Variants in NRG1 observed in about 807,000 individuals in gnomAD.
NRG1 encodes pro-neuregulin-1, membrane-bound isoform.
A neutral mutation model predicts 63.8 loss-of-function variants in NRG1; 18 were observed. The ratio of observed to expected loss-of-function variants is 0.28; its 90% CI spans 0.19 to 0.42. NRG1 has a LOEUF of 0.42. Among genes scored for constraint, NRG1 ranks in the 10% least tolerant of loss-of-function variants. The pLI, the probability that NRG1 is intolerant of heterozygous loss-of-function variation, is 1.00. For synonymous variants in NRG1, 302 were observed against 301.3 expected (o/e 1.00, Z -0.02); for missense variants, 762 against 814.7 (o/e 0.94, Z 0.79).
chr8:31,734,713 T>A (rs1814476943), intron 1 of NRG1, among the ~76,000 whole-genome samples: 1 of 152,218 alleles, frequency 6.6e-6, no homozygotes, highest in South Asian at 2.1e-4. Flanking sequence ...AAAAATTTAC[T>A]CACTCTCATT....
intron 1 of NRG1, among the ~76,000 whole-genome samples, chr8:32,181,979 T>C (rs1841476166): frequency 6.6e-6 from 1 of 152,240 alleles, no homozygotes; most frequent in Non-Finnish European, 1.5e-5. Flanking sequence ...AGTCTAAATG[T>C]ATTAAACTTA....
At chr8:32,181,862 A>C (rs1841462903) in intron 1 of NRG1, among the ~76,000 whole-genome samples, 1 of 152,234 alleles carries the variant, frequency 6.6e-6, no homozygotes, top group African/African-American at 2.4e-5. Flanking sequence ...GCAATGGAAT[A>C]TTAGTTGTTT....
At chr8:32,744,052 AAT>A (rs776335489) in intron 7 of NRG1, among the ~76,000 whole-genome samples, 25 of 152,068 alleles carry the variant, frequency 1.6e-4, no homozygotes, top group Non-Finnish European at 3.1e-4. Flanking sequence ...CACCCCGAAA[AAT>A]ATGTCACATA....
intron 1 of NRG1, among the ~76,000 whole-genome samples, chr8:32,310,102 A>G (rs1012616737): frequency 6.6e-6 from 1 of 152,148 alleles, no homozygotes; most frequent in Non-Finnish European, 1.5e-5. Context: ...ATGAATCACC[A>G]TTTTCATGAA....
intron 6 of NRG1, among the ~76,000 whole-genome samples, chr8:32,732,361 G>C (rs1258041308): frequency 6.6e-6 from 1 of 152,064 alleles, no homozygotes; most frequent in East Asian, 1.9e-4. Context: ...CTCTATTCTT[G>C]TGTATCTGTT....
chr8:32,660,683 C>T (rs891516657), intron 5 of NRG1, among the ~76,000 whole-genome samples: 1 of 152,180 alleles, frequency 6.6e-6, no homozygotes, highest in African/African-American at 2.4e-5. Flanking sequence ...ACAGCATGCA[C>T]ACTATGAACT....
At chr8:32,194,701 C>T (rs1842804792) in intron 1 of NRG1, among the ~76,000 whole-genome samples, 3 of 151,904 alleles carry the variant, frequency 2.0e-5, no homozygotes, top group Admixed American at 2.0e-4. Flanking sequence ...GTGTTTGCTC[C>T]AAAACTTGTA....
chr8:32,245,268 A>T (rs749429648), intron 1 of NRG1, among the ~76,000 whole-genome samples: 5 of 152,164 alleles, frequency 3.3e-5, no homozygotes, highest in Non-Finnish European at 5.9e-5. Context: ...GGGCAATCAG[A>T]TGTTATTTTT....
At chr8:32,018,834 T>C (rs1317397442) in intron 1 of NRG1, among the ~76,000 whole-genome samples, 1 of 152,236 alleles carries the variant, frequency 6.6e-6, no homozygotes, top group African/African-American at 2.4e-5. Context: ...TGCAAAATAG[T>C]TGAACTGGTT....
At chr8:32,379,100 A>G (rs1282468474) in intron 1 of NRG1, among the ~76,000 whole-genome samples, 2 of 151,966 alleles carry the variant, frequency 1.3e-5, no homozygotes, top group African/African-American at 2.4e-5. Context: ...AAAACTTAGC[A>G]TATATCTATT....
chr8:32,072,144 G>A (rs1047691835), intron 1 of NRG1, among the ~76,000 whole-genome samples: 5 of 151,548 alleles, frequency 3.3e-5, no homozygotes, highest in African/African-American at 7.3e-5. Flanking sequence ...ACTTAAGCAA[G>A]GTATCTTTAT....
rs571884755 is a variant in NRG1, at chr8:32,420,914, CA to C, written c.38-174913del. The stretch of plus-strand genomic sequence containing the variant: ...GTTCCTATGATAGTGAGTGAGTTCT[CA>C]GGAGATCTGATGGTTTTATAAGGGG... On this transcript the variant is annotated intron_variant, in intron 1 of 10. Coordinates refer to the NRG1 transcript ENST00000519301. 7.9e-5 allele frequency among the ~76,000 whole-genome samples: 12 copies of C among 152,236 alleles called. No homozygotes were observed. The East Asian group carries it at 1.9e-3, about 25-fold the overall frequency.
chr8:31,878,581 A>T (rs1830105002), intron 1 of NRG1, among the ~76,000 whole-genome samples: 1 of 152,190 alleles, frequency 6.6e-6, no homozygotes, highest in Non-Finnish European at 1.5e-5. Context: ...CACATTTATC[A>T]TCTTAGAGTT....
intron 1 of NRG1, among the ~76,000 whole-genome samples, chr8:32,322,748 T>G (rs924337575): frequency 6.6e-6 from 1 of 152,232 alleles, no homozygotes; most frequent in South Asian, 2.1e-4. Flanking sequence ...AGTTAACACA[T>G]TTTGGTTCCA....
At chr8:32,088,817 C>T (rs1029079120) in intron 1 of NRG1, among the ~76,000 whole-genome samples, 3 of 152,042 alleles carry the variant, frequency 2.0e-5, no homozygotes, top group African/African-American at 7.3e-5. Context: ...TGCGCCTGGC[C>T]CAGGTCATCA....
intron 1 of NRG1, among the ~76,000 whole-genome samples, chr8:32,096,883 A>T (rs1829967484): frequency 6.6e-6 from 1 of 152,196 alleles, no homozygotes; most frequent in Admixed American, 6.5e-5. Context: ...TATAGAGGCA[A>T]ACATCCAAAC....
intron 1 of NRG1, among the ~76,000 whole-genome samples, chr8:32,320,229 G>C (rs1801225621): frequency 6.6e-6 from 1 of 152,042 alleles, no homozygotes; most frequent in Non-Finnish European, 1.5e-5. Context: ...GTACTTCATG[G>C]ATATCTGCCT....
chr8:32,295,439 C>T (rs745784398), intron 1 of NRG1, among the ~76,000 whole-genome samples: 9 of 152,120 alleles, frequency 5.9e-5, no homozygotes, highest in Non-Finnish European at 1.0e-4. Context: ...CTACTACTTG[C>T]TTTTCATGTA....
chr8:32,078,285 C>A (rs964246669), intron 1 of NRG1, among the ~76,000 whole-genome samples: 1 of 152,186 alleles, frequency 6.6e-6, no homozygotes, highest in African/African-American at 2.4e-5. Flanking sequence ...TCTCTCCCCT[C>A]TCTCCTGCCT....
Sources: allele counts gnomAD v4.1 joint callset (sites outside exome capture counted in the v4.1 genomes callset), GRCh38; gene constraint gnomAD v4.1.1; transcripts MANE v1.5; gene names NCBI Gene and HGNC (gene_info 2026-07-23, HGNC 2026-07-21).